The following DPP10 variants were observed in gnomAD, a reference collection of about 807,000 sequenced individuals.
The protein encoded by DPP10 is inactive dipeptidyl peptidase 10.
Under a neutral mutation model 120.9 loss-of-function variants are expected in DPP10, and 33 were observed. That is an observed-to-expected ratio of 0.27 (90% CI 0.21 to 0.37). The LOEUF is 0.37. Ranked by LOEUF, DPP10 falls within the 10% of genes least tolerant of loss-of-function variation. The pLI, the probability that DPP10 is intolerant of heterozygous loss-of-function variation, is 1.00. For missense variants in DPP10, 816 were observed against 942.8 expected, an observed-to-expected ratio of 0.87 and a Z score of 1.76; for synonymous variants, 337 against 326.1, an observed-to-expected ratio of 1.03 and a Z score of -0.36.
chr2:115,338,353 T>C (rs745651898), intron 2 of DPP10, among the ~76,000 whole-genome samples: 15 of 152,114 alleles, frequency 9.9e-5, no homozygotes, highest in Non-Finnish European at 1.9e-4. Flanking sequence ...AATATGTTTA[T>C]ATAAAAGAGT....
At chr2:114,952,388 C>G (rs929663451) in intron 1 of DPP10, among the ~76,000 whole-genome samples, 4 of 152,130 alleles carry the variant, frequency 2.6e-5, no homozygotes, top group African/African-American at 9.7e-5. Context: ...TATATTGTTT[C>G]TCTGATAAAA....
chr2:115,096,971 T>C (rs1326634737), intron 1 of DPP10, among the ~76,000 whole-genome samples: 1 of 152,162 alleles, frequency 6.6e-6, no homozygotes, highest in Non-Finnish European at 1.5e-5. Context: ...ATTTCCTTGG[T>C]ACTGTCTCTT....
chr2:115,535,295 T>C (rs2148936896), intron 5 of DPP10, among the ~76,000 whole-genome samples: 1 of 147,712 alleles, frequency 6.8e-6, no homozygotes, highest in Non-Finnish European at 1.5e-5. Flanking sequence ...TTTTATAAGG[T>C]GTAAGGAAGG....
At position 115,761,875 on chromosome 2, in the gene DPP10, C is replaced by T. The variant is rs533077886; in HGVS notation, c.1075-697C>T. On this transcript the variant is annotated intron_variant, in intron 11 of 25. Coordinates refer to ENST00000410059, the MANE Select transcript of DPP10 (RefSeq NM_020868.6). ...TTACTTATCTTTCTTAATTTGAATA[C>T]GTTTATTATAGAATCATTTCTTTCA... Among the ~76,000 whole-genome samples the T allele has an allele frequency of 1.6e-4, 24 of 152,106 alleles. 1 individual carries two copies. The South Asian group carries it at 4.6e-3, about 29-fold the overall frequency.
chr2:115,498,300 T>C (rs1045367274), intron 3 of DPP10, among the ~76,000 whole-genome samples: 1 of 152,164 alleles, frequency 6.6e-6, no homozygotes. Context: ...TTCTTGCTTC[T>C]TGTCATATAA....
chr2:115,223,768 C>G, intron 1 of DPP10, among the ~76,000 whole-genome samples: 1 of 152,058 alleles, frequency 6.6e-6, no homozygotes, highest in East Asian at 1.9e-4. Context: ...AAGTTGGAAT[C>G]TTTTCGAAGA....
At chr2:115,718,461 C>A (rs369101698) in intron 7 of DPP10, among the ~76,000 whole-genome samples, 1 of 152,144 alleles carries the variant, frequency 6.6e-6, no homozygotes. Context: ...ACGTAGCTGT[C>A]ATTTCATTCA....
chr2:114,534,224 T>A (rs1488170882), intron 1 of DPP10, among the ~76,000 whole-genome samples: 2 of 152,194 alleles, frequency 1.3e-5, no homozygotes, highest in East Asian at 3.8e-4. Context: ...AGACTATGAA[T>A]CATAGCTTTA....
chr2:114,673,708 G>A (rs995640287), intron 1 of DPP10, among the ~76,000 whole-genome samples: 1 of 151,874 alleles, frequency 6.6e-6, no homozygotes. Context: ...TGCCTGTCTC[G>A]GCCTCCCAAA....
intron 1 of DPP10, among the ~76,000 whole-genome samples, chr2:114,607,758 G>T (rs1692934891): frequency 6.6e-6 from 1 of 152,174 alleles, no homozygotes. Flanking sequence ...AGAAGATGTT[G>T]TAATGTTATG....
intron 5 of DPP10, among the ~76,000 whole-genome samples, chr2:115,539,161 GAGAC>G (rs2079040232): frequency 6.6e-6 from 1 of 151,962 alleles, no homozygotes; most frequent in Non-Finnish European, 1.5e-5. Context: ...GGCTGTATAG[GAGAC>G]AGTCATAATT....
At chr2:115,373,815 G>A (rs1453316652) in intron 3 of DPP10, among the ~76,000 whole-genome samples, 3 of 151,552 alleles carry the variant, frequency 2.0e-5, no homozygotes, top group Non-Finnish European at 4.4e-5. Flanking sequence ...ATGACTGTGA[G>A]GCTTCAGGAA....
chr2:114,767,536 CAG>C (rs1680849023), intron 1 of DPP10, among the ~76,000 whole-genome samples: 1 of 151,874 alleles, frequency 6.6e-6, no homozygotes, highest in African/African-American at 2.4e-5. Context: ...AAAGGAAAGA[CAG>C]AAAGGGAAAA....
intron 1 of DPP10, among the ~76,000 whole-genome samples, chr2:114,814,162 A>G (rs1236457973): frequency 6.6e-6 from 1 of 152,238 alleles, no homozygotes; most frequent in Non-Finnish European, 1.5e-5. Context: ...ACAGTATTTA[A>G]CAAAGCAATA....
chr2:114,978,073 G>C (rs889674148), intron 1 of DPP10, among the ~76,000 whole-genome samples: 2 of 152,112 alleles, frequency 1.3e-5, no homozygotes, highest in East Asian at 3.9e-4. Flanking sequence ...AAGTGAGTGA[G>C]GGTATTAGCA....
At chr2:115,646,918 A>T (rs1024827996) in intron 5 of DPP10, among the ~76,000 whole-genome samples, 4 of 152,202 alleles carry the variant, frequency 2.6e-5, no homozygotes, top group Admixed American at 6.5e-5. Flanking sequence ...TCTTCTATTA[A>T]TCTCAGCAGA....
chr2:115,486,171 T>TTTTC (rs1558739225), intron 3 of DPP10, among the ~76,000 whole-genome samples: 3 of 151,844 alleles, frequency 2.0e-5, no homozygotes, highest in Non-Finnish European at 4.4e-5. Context: ...TATGTCTTTT[T>TTTTC]CTTCTATCAC....
At position 114,497,214 on chromosome 2, in the gene DPP10, C is replaced by T. The variant is rs997095709; in HGVS notation, c.60+54376C>T. ...ACATGTGTATGCATGTGTACATATA[C>T]GTGTGTATGCATGTACGTGCGTATA... On this transcript the variant is annotated intron_variant, in intron 1 of 25. Coordinates refer to ENST00000410059, the MANE Select transcript of DPP10 (RefSeq NM_020868.6). 4.0e-4 allele frequency among the ~76,000 whole-genome samples: 59 copies of T among 148,400 alleles called. 1 individual carries two copies. Among genetic ancestry groups the T allele is most frequent in the South Asian group, 6.4e-4 (3 of 4,716 alleles).
chr2:114,799,760 C>T (rs1035476763), intron 1 of DPP10, among the ~76,000 whole-genome samples: 1 of 151,964 alleles, frequency 6.6e-6, no homozygotes, highest in Non-Finnish European at 1.5e-5. Flanking sequence ...CTGAGAAATA[C>T]CTAAGAAGTA....
Sources: allele counts gnomAD v4.1 joint callset (sites outside exome capture counted in the v4.1 genomes callset), GRCh38; gene constraint gnomAD v4.1.1; transcripts MANE v1.5; gene names NCBI Gene and HGNC (gene_info 2026-07-23, HGNC 2026-07-21).